FAT1: variants seen among roughly 807,000 people sequenced by gnomAD.
FAT1 encodes the protein protocadherin Fat 1.
In FAT1, 171 loss-of-function variants were observed where a neutral mutation model predicts 329.8. The observed-to-expected ratio is 0.52, with a 90% CI of 0.46 to 0.59. The LOEUF (loss-of-function observed/expected upper bound fraction) is 0.59. FAT1 is among the 20% of genes least tolerant of loss of function. FAT1 has a pLI of 0.00. For missense variants in FAT1, 5,672 were observed against 5,774.4 expected, an observed-to-expected ratio of 0.98 and a Z score of 0.57; for synonymous variants, 2,233 against 2,228.6, an observed-to-expected ratio of 1.00 and a Z score of -0.06.
intron 2 of FAT1, among the ~76,000 whole-genome samples, chr4:186,674,961 T>C (rs1342324803): frequency 6.6e-6 from 1 of 151,940 alleles, no homozygotes; most frequent in Admixed American, 6.6e-5. Flanking sequence ...TTGAGCCTGG[T>C]AGGTCAAGGT....
chr4:186,648,909 C>T (rs1741502402), intron 3 of FAT1, among the ~76,000 whole-genome samples: 2 of 152,250 alleles, frequency 1.3e-5, no homozygotes, highest in African/African-American at 2.4e-5. Flanking sequence ...GAAAAAAATT[C>T]ACTCTTTTTT....
chr4:186,682,003 A>G (rs1284053121), intron 2 of FAT1, among the ~76,000 whole-genome samples: 1 of 152,228 alleles, frequency 6.6e-6, no homozygotes, highest in Non-Finnish European at 1.5e-5. Flanking sequence ...AGTCATTGCT[A>G]GAAGATATCA....
chr4:186,642,585 C>CA (rs1560960150), intron 3 of FAT1, among the ~76,000 whole-genome samples: 1 of 152,144 alleles, frequency 6.6e-6, no homozygotes, highest in South Asian at 2.1e-4. Flanking sequence ...ACAGAGAATG[C>CA]GTTAGTACAT....
rs372743943 is a variant in FAT1, at chr4:186,604,341, A to C, written c.10548+36T>G. The C allele has an allele frequency of 1.9e-6, 3 of 1,560,538 alleles. No homozygotes were observed. In the African/African-American group the frequency reaches 4.1e-5, roughly 21 times the overall value. ...CCACGCCAAGCAGCTCTTCTCTATG[A>C]ATCCACAACCAAACCACAAAGAAAG... On this transcript the variant is annotated intron_variant, in intron 18 of 26. Transcript: ENST00000441802.
At chr4:186,594,276 C>T (rs111889650) in intron 26 of FAT1, among the ~76,000 whole-genome samples, 1,548 of 151,082 alleles carry the variant, frequency 0.01, 29 homozygotes, top group African/African-American at 0.035. Flanking sequence ...ACTGCCAGGA[C>T]GGTCTCGATC....
chr4:186,608,244 T>C (rs1739236496), intron 16 of FAT1, among the ~76,000 whole-genome samples: 1 of 152,186 alleles, frequency 6.6e-6, no homozygotes. Context: ...CTCAAGTCCT[T>C]GATATAAAAT....
rs1300518772 is a variant in FAT1 at position 186,596,880 on chromosome 4, G to T, written c.12660C>A (p.His4220Gln). ...KKHQAEPKDKHLGPATAFLQR... is the reference protein window; with the variant it reads ...KKHQAEPKDKQLGPATAFLQR... ...GCAAGAAAGCCGTAGCGGGTCCCAG[G>T]TGCTTGTCTTTAGGTTCAGCCTGAT... Residue 4220 changes from histidine to glutamine, a missense_variant, in exon 25 of 27, where the codon CAC (histidine) becomes CAA (glutamine). His to Gln is a conservative substitution (Grantham distance 24, BLOSUM62 0). This residue lies in a region of FAT1 where 1,706 missense variants were observed against 1,859.1 expected (regional missense o/e 0.92). Transcript: ENST00000441802. This position sits in a 1 kb window ranked among gnomAD's most constrained non-coding sequence, Gnocchi z 4.7. The T allele has an allele frequency of 4.3e-6, 7 of 1,613,862 alleles. No homozygotes were observed. The highest frequency in any genetic ancestry group is 5.9e-6 in the Non-Finnish European group (7 of 1,179,894).
chr4:186,645,998 CACACACAT>C lies in FAT1; in HGVS notation c.3581-6223_3581-6216del, dbSNP rs1271903014. Among the ~76,000 whole-genome samples the C allele has an allele frequency of 2.4e-4, 35 of 147,276 alleles. 1 individual carries two copies. Among genetic ancestry groups the C allele is most frequent in the South Asian group, 1.3e-3 (6 of 4,630 alleles). On this transcript the variant is annotated intron_variant, in intron 3 of 26. Transcript: ENST00000441802. ...ACACACACACACACACACACACACA[CACACACAT>C]GAAAGATGGCAGCTAGAAAAGGAAA... is the stretch of plus-strand genomic sequence containing the variant.
chr4:186,710,034 T>C (rs1431759696), intron 1 of FAT1, among the ~76,000 whole-genome samples, 189 bp from the exon 2 acceptor site: 4 of 152,238 alleles, frequency 2.6e-5, no homozygotes, highest in African/African-American at 9.6e-5. Context: ...TCTAGAATTA[T>C]TAAGCTTAAC....
In FAT1 at chr4:186,620,334, A is replaced by G. The variant is rs1407830803; in HGVS notation, c.6252T>C (p.Leu2084=). Residue 2084 remains leucine (L), a synonymous_variant, in exon 10 of 27, where the codon CTT becomes CTC. Transcript: ENST00000441802. ...QNDNAPVFVN[L]PYYAVVKVDT... ...CCACTTTAACAACGGCGTAGTAGGG[A>G]AGGTTGACAAACACCGGCGCATTAT... 6.2e-7 allele frequency: 1 copy of G among 1,613,874 alleles called. No homozygotes were observed. Among genetic ancestry groups the G allele is most frequent in the African/African-American group, 1.3e-5 (1 of 74,922 alleles).
chr4:186,603,116 G>C (rs538055982), intron 19 of FAT1, 60 bp downstream of exon 19: 5 of 1,607,926 alleles, frequency 3.1e-6, no homozygotes, highest in Non-Finnish European at 4.3e-6. Flanking sequence ...GCCATCAAAG[G>C]CTTCAAAGGC....
At chr4:186,699,676 C>A in intron 2 of FAT1, among the ~76,000 whole-genome samples, 2 of 146,058 alleles carry the variant, frequency 1.4e-5, no homozygotes. Flanking sequence ...TATTTATAAG[C>A]AGCATGGTCT....
At chr4:186,697,075 G>C (rs1384560516) in intron 2 of FAT1, among the ~76,000 whole-genome samples, 1 of 152,120 alleles carries the variant, frequency 6.6e-6, no homozygotes, top group Non-Finnish European at 1.5e-5. Flanking sequence ...TGCCAAGGGA[G>C]CTAACTTTAT....
At position 186,619,067 on chromosome 4, in the gene FAT1, G is replaced by A. The variant is rs1739885945; in HGVS notation, c.7519C>T (p.Leu2507=). ...TTCACCTCCATCACCAGGGTATGTAGGGGAGCGTTTTCAGCTAGTTCCACT... is the reference window on the plus strand; with the variant it reads ...TTCACCTCCATCACCAGGGTATGTAAGGGAGCGTTTTCAGCTAGTTCCACT... ...YEVELAENAP[L]HTLVMEVKTT... is the part of the protein sequence containing the mutation. Residue 2507 remains leucine, a synonymous_variant, in exon 10 of 27, where the codon CTA becomes TTA. Transcript: ENST00000441802. 2 of 1,613,982 alleles carry A rather than the reference G, an allele frequency of 1.2e-6. No homozygotes were observed. The highest frequency in any genetic ancestry group is 2.2e-5 in the South Asian group (2 of 91,082).
intron 2 of FAT1, among the ~76,000 whole-genome samples, chr4:186,685,780 T>C (rs1308442606): frequency 1.3e-5 from 2 of 152,228 alleles, no homozygotes; most frequent in Admixed American, 1.3e-4. Context: ...TTGCTCTCTC[T>C]ACTAAAAAAG....
At chr4:186,590,447 A>C (rs1738185831) in intron 26 of FAT1, 2 of 1,268,796 alleles carry the variant, frequency 1.6e-6, no homozygotes, top group Non-Finnish European at 2.1e-6. Context: ...TTTGTAATTA[A>C]AACAGTCGGC....
intron 3 of FAT1, among the ~76,000 whole-genome samples, chr4:186,652,098 C>A (rs562938792): frequency 6.6e-6 from 1 of 152,278 alleles, no homozygotes; most frequent in South Asian, 2.1e-4. Context: ...TACAGGGACC[C>A]CATACCCTAG....
chr4:186,599,820 T>G lies in FAT1; in HGVS notation c.12103+78A>C, dbSNP rs1387563135. ...TTATCTGAATCAAAAGAGAAAAAAA[T>G]AAAAAAATACCTGGGGAGCTTCCCC... On this transcript the variant is annotated intron_variant, in intron 22 of 26. Transcript: ENST00000441802. 4.4e-6 allele frequency: 5 copies of G among 1,137,206 alleles called. No individual in the cohort carries two copies. The South Asian group carries it at 8.0e-5, about 18-fold the overall frequency. 70.4% of individuals were successfully genotyped at this position (1,137,206 alleles called of 1,614,324 possible).
intron 7 of FAT1, among the ~76,000 whole-genome samples, chr4:186,630,702 G>C (rs1355922230): frequency 6.6e-6 from 1 of 151,936 alleles, no homozygotes; most frequent in African/African-American, 2.4e-5. Flanking sequence ...ACCTCCAAAA[G>C]GACGATTATC....
Sources: gnomAD v4.1 joint callset for allele counts (sites outside exome capture counted in the v4.1 genomes callset) on GRCh38, gnomAD v4.1.1 for gene constraint, gnomAD v4.1.1 regional missense constraint, Gnocchi (gnomAD v3.1) non-coding constraint, MANE v1.5 for transcripts, NCBI Gene and HGNC (gene_info 2026-07-23, HGNC 2026-07-21) for gene names.